The following CDC123 variants were observed in gnomAD, a reference collection of about 807,000 sequenced individuals.
CDC123 encodes cell division cycle 123.
Under a neutral mutation model 54.4 loss-of-function variants are expected in CDC123, and 37 were observed. The ratio of observed to expected loss-of-function variants is 0.68; its 90% CI spans 0.52 to 0.89. The LOEUF is 0.89. Among genes scored for constraint, CDC123 ranks in the 40% least tolerant of loss-of-function variants. The pLI, the probability that CDC123 is intolerant of heterozygous loss-of-function variation, is 0.00. For missense variants in CDC123, 361 were observed against 412.1 expected (o/e 0.88, Z 1.07); for synonymous variants, 144 against 136.8 (o/e 1.05, Z -0.37).
intron 6 of CDC123, among the ~76,000 whole-genome samples, chr10:12,219,561 C>T (rs1835706090): frequency 6.6e-6 from 1 of 152,010 alleles, no homozygotes; most frequent in South Asian, 2.1e-4. Flanking sequence ...TAGGAGATAC[C>T]CTCTGAAAAA....
At chr10:12,250,220 C>T (rs1588687257) in intron 12 of CDC123, 91 bp from the exon 13 acceptor site, 8 of 728,260 alleles carry the variant, frequency 1.1e-5, no homozygotes, top group Middle Eastern at 2.5e-4. Flanking sequence ...TAATTACATC[C>T]TTTGCCAAGA....
chr10:12,200,119 C>CA (rs1835420669), intron 2 of CDC123, among the ~76,000 whole-genome samples: 1 of 24,272 alleles, frequency 4.1e-5, no homozygotes, highest in Admixed American at 6.2e-4. Context: ...CCGCACTCGG[C>CA]ATTTTTTTTT....
chr10:12,240,526 A>G (rs1342912644), intron 10 of CDC123, among the ~76,000 whole-genome samples: 1 of 152,202 alleles, frequency 6.6e-6, no homozygotes, highest in African/African-American at 2.4e-5. Flanking sequence ...AGACATCACT[A>G]TATTTTCACC....
At chr10:12,211,429 T>C (rs895440149) in intron 4 of CDC123, among the ~76,000 whole-genome samples, 2 of 152,160 alleles carry the variant, frequency 1.3e-5, no homozygotes, top group African/African-American at 4.8e-5. Flanking sequence ...TGCTCAAAAC[T>C]GACATATTTC....
intron 10 of CDC123, among the ~76,000 whole-genome samples, chr10:12,241,831 A>G (rs1203463879): frequency 6.6e-6 from 1 of 151,696 alleles, no homozygotes; most frequent in Non-Finnish European, 1.5e-5. Context: ...GTCTCCTCAC[A>G]CTCCCTTTCC....
At chr10:12,222,509 CTG>C (rs1301314250) in intron 6 of CDC123, among the ~76,000 whole-genome samples, 2 of 152,156 alleles carry the variant, frequency 1.3e-5, no homozygotes, top group Non-Finnish European at 2.9e-5. Context: ...AATTTGCTGA[CTG>C]TGTTATTTGC....
At chr10:12,209,484 C>T (rs1402847070) in intron 2 of CDC123, among the ~76,000 whole-genome samples, 1 of 152,240 alleles carries the variant, frequency 6.6e-6, no homozygotes. Context: ...ATCCTCCCAT[C>T]TCAGCCTCTC....
At chr10:12,240,432 G>A (rs991564561) in intron 10 of CDC123, among the ~76,000 whole-genome samples, 4 of 152,262 alleles carry the variant, frequency 2.6e-5, no homozygotes, top group East Asian at 1.9e-4. Context: ...GGACATCTTC[G>A]AATCATCTTT....
chr10:12,249,045 AG>A (rs1836199111), intron 11 of CDC123, among the ~76,000 whole-genome samples: 1 of 151,572 alleles, frequency 6.6e-6, no homozygotes, highest in Non-Finnish European at 1.5e-5. Context: ...TGGGAGGCAG[AG>A]GTTGCAGTGA....
At chr10:12,235,192 GAAGT>G in intron 8 of CDC123, 69 bp downstream of exon 8, 1 of 1,371,102 alleles carries the variant, frequency 7.3e-7, no homozygotes. Flanking sequence ...GCTTTTGTTG[GAAGT>G]AAATTTCCAG....
At chr10:12,228,098 C>T (rs993917581) in intron 6 of CDC123, among the ~76,000 whole-genome samples, 2 of 151,316 alleles carry the variant, frequency 1.3e-5, no homozygotes, top group Non-Finnish European at 3.0e-5. Context: ...TCCGTACCGG[C>T]TAATTTTTAT....
chr10:12,238,185 G>A (rs141294037), intron 9 of CDC123, among the ~76,000 whole-genome samples: 217 of 152,218 alleles, frequency 1.4e-3, no homozygotes, highest in African/African-American at 5.0e-3. Flanking sequence ...AGTCTATAAC[G>A]GGGAACTGGT....
chr10:12,196,922 C>T (rs553368378), intron 1 of CDC123, among the ~76,000 whole-genome samples: 10 of 152,234 alleles, frequency 6.6e-5, no homozygotes, highest in Non-Finnish European at 1.3e-4. Context: ...TATACAATTT[C>T]ATCTCTCAGT....
intron 1 of CDC123, among the ~76,000 whole-genome samples, chr10:12,197,834 A>G (rs773957699): frequency 3.9e-5 from 6 of 152,194 alleles, no homozygotes; most frequent in Non-Finnish European, 5.9e-5. Context: ...AAACCGAAGT[A>G]GCCCATGAAT....
chr10:12,238,877 C>G (rs1385784843), intron 10 of CDC123, among the ~76,000 whole-genome samples: 1 of 151,884 alleles, frequency 6.6e-6, no homozygotes, highest in East Asian at 1.9e-4. Context: ...AAAAAATGAG[C>G]CAGGCATGGT....
At chr10:12,206,285 T>C (rs191241094) in intron 2 of CDC123, among the ~76,000 whole-genome samples, 311 of 152,396 alleles carry the variant, frequency 2.0e-3, no homozygotes, top group African/African-American at 6.9e-3. Context: ...GAATACATTT[T>C]CATATTTCAT....
rs186970786 is a variant in CDC123, at chr10:12,248,967, C to T, written c.847-614C>T. 2.4e-4 allele frequency among the ~76,000 whole-genome samples: 37 copies of T among 151,640 alleles called. No individual in the cohort carries two copies. The East Asian group carries it at 5.3e-3, about 22-fold the overall frequency. ...CTCTACTAAAAATACAAAAATTAGC[C>T]GGACGTGGTGACGCGCGCCTGTAGT... On this transcript the variant is annotated intron_variant, in intron 11 of 12. Transcript: ENST00000281141.
chr10:12,227,874 C>G (rs1468835410), intron 6 of CDC123, among the ~76,000 whole-genome samples: 1 of 152,046 alleles, frequency 6.6e-6, no homozygotes, highest in African/African-American at 2.4e-5. Context: ...ATATGCTGAT[C>G]CTTGGGGGCG....
At chr10:12,218,632 C>T (rs796742269) in intron 6 of CDC123, among the ~76,000 whole-genome samples, 2 of 152,268 alleles carry the variant, frequency 1.3e-5, no homozygotes, top group African/African-American at 2.4e-5. Context: ...CTTAGTGCTG[C>T]GCCTCTGGAG....
Sources: gnomAD v4.1 joint callset for allele counts (sites outside exome capture counted in the v4.1 genomes callset) on GRCh38, gnomAD v4.1.1 for gene constraint, MANE v1.5 for transcripts, NCBI Gene and HGNC (gene_info 2026-07-23, HGNC 2026-07-21) for gene names.